The following CHODL variants were observed in gnomAD, a reference collection of about 807,000 sequenced individuals.
The protein encoded by CHODL is chondrolectin.
In CHODL, 29 loss-of-function variants were observed where a neutral mutation model predicts 34.5. The observed-to-expected ratio is 0.84, with a 90% CI of 0.63 to 1.15. The LOEUF is 1.15. Ranked by LOEUF, CHODL falls within the 50% of genes most tolerant of loss-of-function variation. CHODL has a pLI of 0.00. For missense variants in CHODL, 332 were observed against 332.5 expected, an observed-to-expected ratio of 1.00 and a Z score of 0.01; for synonymous variants, 125 against 116.1, an observed-to-expected ratio of 1.08 and a Z score of -0.49.
At chr21:18,241,249 T>TAAAAA (rs34330433), upstream of CHODL, among the ~76,000 whole-genome samples, 124 of 145,190 alleles carry the variant, frequency 8.5e-4, no homozygotes, top group African/African-American at 3.0e-3. Context: ...ATTACTCAGA[T>TAAAAA]AAAAAAAAAA....
chr21:18,193,482 T>G (rs1392775707), intron 2 of CHODL, among the ~76,000 whole-genome samples: 5 of 151,484 alleles, frequency 3.3e-5, no homozygotes, highest in Non-Finnish European at 7.4e-5. Context: ...GATCACGAGG[T>G]CAGGAGTTTG....
At chr21:18,158,852 A>AAAT in intron 2 of CHODL, among the ~76,000 whole-genome samples, 1 of 151,596 alleles carries the variant, frequency 6.6e-6, no homozygotes, top group South Asian at 2.1e-4. Context: ...AAAAAAAAAA[A>AAAT]AAAGAAGAAG....
intron 1 of CHODL, among the ~76,000 whole-genome samples, chr21:18,026,473 G>A (rs2064176930): frequency 1.1e-5 from 1 of 90,206 alleles, no homozygotes; most frequent in Non-Finnish European, 2.4e-5. Context: ...ACAAAGATTT[G>A]TAATTAAAAA....
At chr21:18,022,920 C>T (rs370476132) in intron 1 of CHODL, among the ~76,000 whole-genome samples, 1 of 152,206 alleles carries the variant, frequency 6.6e-6, no homozygotes, top group Non-Finnish European at 1.5e-5. Flanking sequence ...AACTTTAATG[C>T]TTTCTCCACT....
At chr21:18,046,233 TTA>T (rs1376289918) in intron 2 of CHODL, among the ~76,000 whole-genome samples, 5 of 151,940 alleles carry the variant, frequency 3.3e-5, no homozygotes, top group Non-Finnish European at 7.4e-5. Context: ...GGGATTTTTA[TTA>T]TGAGTCATGG....
intron 2 of CHODL, among the ~76,000 whole-genome samples, chr21:18,182,622 G>A (rs1280518739): frequency 6.6e-6 from 1 of 151,936 alleles, no homozygotes; most frequent in East Asian, 1.9e-4. Flanking sequence ...GTTTAATAAA[G>A]CCTAATAAAA....
intron 1 of CHODL, among the ~76,000 whole-genome samples, chr21:17,920,744 A>C (rs966596661): frequency 6.6e-5 from 10 of 152,228 alleles, no homozygotes; most frequent in African/African-American, 2.4e-4. Flanking sequence ...AGAGAGTGAG[A>C]TCTATCGGAG....
intron 1 of CHODL, chr21:18,246,023 G>C: frequency 8.2e-7 from 1 of 1,213,476 alleles, no homozygotes; most frequent in South Asian, 1.3e-5. Flanking sequence ...GATCAAAATT[G>C]GCAAGCTTCC....
intron 1 of CHODL, among the ~76,000 whole-genome samples, chr21:17,965,703 A>G (rs1015185605): frequency 2.6e-5 from 4 of 152,102 alleles, no homozygotes; most frequent in African/African-American, 9.7e-5. Context: ...TTCATTCACC[A>G]TGGTATCTCA....
At chr21:17,992,443 A>G (rs544182372) in intron 1 of CHODL, among the ~76,000 whole-genome samples, 7 of 152,256 alleles carry the variant, frequency 4.6e-5, no homozygotes, top group South Asian at 2.1e-4. Context: ...ATCCATGAGC[A>G]TGGGGTGTCT....
chr21:18,085,472 A>G (rs922857740), intron 2 of CHODL, among the ~76,000 whole-genome samples: 2 of 151,832 alleles, frequency 1.3e-5, no homozygotes, highest in Admixed American at 6.6e-5. Context: ...TTATATTTTC[A>G]TGTGTTTTTA....
Position 18,055,122 on chromosome 21 carries a change from C to T in CHODL, c.-45+27151C>T, listed in dbSNP as rs146177452. On this transcript the variant is annotated intron_variant, in intron 2 of 6. Transcript: ENST00000400127. Reference sequence around the variant, plus strand: ...GATTGTGGCATCTCTCCTCACTTTCCCTCCTTCCCATCCTTCCATTTTACT... The same window carrying T: ...GATTGTGGCATCTCTCCTCACTTTCTCTCCTTCCCATCCTTCCATTTTACT... Among the ~76,000 whole-genome samples the T allele has an allele frequency of 2.6e-3, 398 of 152,088 alleles. 7 individuals carry two copies. The Middle Eastern group carries it at 0.071, about 27-fold the overall frequency.
At chr21:17,963,590 T>TG (rs1481959211) in intron 1 of CHODL, among the ~76,000 whole-genome samples, 2 of 152,146 alleles carry the variant, frequency 1.3e-5, no homozygotes, top group Non-Finnish European at 2.9e-5. Context: ...AGGGTAACTG[T>TG]GCCCATGATT....
At chr21:18,122,787 T>G (rs2065496038) in intron 2 of CHODL, among the ~76,000 whole-genome samples, 1 of 152,224 alleles carries the variant, frequency 6.6e-6, no homozygotes, top group South Asian at 2.1e-4. Flanking sequence ...TCTTGAACAG[T>G]GATGTTTCCA....
chr21:18,265,824 A>G, intron 5 of CHODL, 130 bp from the exon 6 acceptor site: 2 of 629,140 alleles, frequency 3.2e-6, no homozygotes, highest in South Asian at 5.0e-5. Flanking sequence ...TTTTGGAAGA[A>G]TGGGAAAATA....
chr21:18,199,260 C>T (rs1260066828), intron 2 of CHODL, among the ~76,000 whole-genome samples: 2 of 152,022 alleles, frequency 1.3e-5, no homozygotes, highest in South Asian at 2.1e-4. Context: ...AGGGCGGTAT[C>T]GTTTCAATCA....
chr21:18,042,952 T>C (rs1286024808), intron 2 of CHODL, among the ~76,000 whole-genome samples: 1 of 151,912 alleles, frequency 6.6e-6, no homozygotes, highest in Non-Finnish European at 1.5e-5. Flanking sequence ...TTATGCAAAA[T>C]GACAATATTG....
chr21:18,228,244 T>C (rs1404297805), intron 2 of CHODL, among the ~76,000 whole-genome samples: 1 of 152,158 alleles, frequency 6.6e-6, no homozygotes, highest in Non-Finnish European at 1.5e-5. Context: ...AGTGTGGATG[T>C]TGCAACATGA....
At chr21:18,002,828 G>C (rs2063919263) in intron 1 of CHODL, among the ~76,000 whole-genome samples, 1 of 152,156 alleles carries the variant, frequency 6.6e-6, no homozygotes, top group Non-Finnish European at 1.5e-5. Context: ...CCTGGGGACA[G>C]AGTCCAAGAG....
Sources: allele counts gnomAD v4.1 joint callset (sites outside exome capture counted in the v4.1 genomes callset), GRCh38; gene constraint gnomAD v4.1.1; transcripts MANE v1.5; gene names NCBI Gene and HGNC (gene_info 2026-07-23, HGNC 2026-07-21).